NAV2: variants seen among roughly 807,000 people sequenced by gnomAD.
NAV2 encodes the protein helicase, APC down-regulated 1.
A neutral mutation model predicts 223.2 loss-of-function variants in NAV2; 54 were observed. The ratio of observed to expected loss-of-function variants is 0.24; its 90% CI spans 0.19 to 0.30. NAV2 has a LOEUF of 0.30. Ranked by LOEUF, NAV2 falls within the 10% of genes least tolerant of loss-of-function variation. NAV2 has a pLI of 1.00. For synonymous variants in NAV2, 1,279 were observed against 1,239.3 expected (o/e 1.03, Z -0.67); for missense variants, 2,806 against 3,147.5 (o/e 0.89, Z 2.60).
intron 1 of NAV2, among the ~76,000 whole-genome samples, chr11:19,768,640 A>G (rs1461908527): frequency 6.6e-6 from 1 of 152,086 alleles, no homozygotes; most frequent in African/African-American, 2.4e-5. Flanking sequence ...TGGAGGAGGG[A>G]TGGCAGGGAC....
chr11:19,967,864 A>G (rs2048900842), intron 10 of NAV2, among the ~76,000 whole-genome samples: 1 of 152,170 alleles, frequency 6.6e-6, no homozygotes, highest in African/African-American at 2.4e-5. Flanking sequence ...CAGACTGGGT[A>G]TTGTATTCTG....
intron 1 of NAV2, among the ~76,000 whole-genome samples, chr11:19,825,460 ACACTGG>A (rs1474533366): frequency 6.6e-6 from 1 of 152,146 alleles, no homozygotes; most frequent in Non-Finnish European, 1.5e-5. Flanking sequence ...ATTAGTCTCC[ACACTGG>A]CATTTCCTTC....
At chr11:19,421,764 C>CT (rs373669949) in intron 1 of NAV2, among the ~76,000 whole-genome samples, 3,263 of 84,452 alleles carry the variant, frequency 0.039, 497 homozygotes, top group African/African-American at 0.14. Context: ...AAGAGAGAGG[C>CT]TTTTTTTTTT....
intron 1 of NAV2, among the ~76,000 whole-genome samples, chr11:19,656,007 C>G (rs1457285537): frequency 2.0e-5 from 3 of 152,140 alleles, no homozygotes; most frequent in Admixed American, 1.3e-4. Flanking sequence ...CCTTGGTTTT[C>G]AAAGAGACAA....
At chr11:19,898,500 C>A (rs992082365) in intron 6 of NAV2, among the ~76,000 whole-genome samples, 20 of 152,186 alleles carry the variant, frequency 1.3e-4, no homozygotes, top group African/African-American at 4.8e-4. Context: ...CATGGACAGC[C>A]TTTCTCGTTT....
intron 1 of NAV2, among the ~76,000 whole-genome samples, chr11:19,792,749 A>C (rs1182932036): frequency 6.6e-6 from 1 of 152,148 alleles, no homozygotes; most frequent in African/African-American, 2.4e-5. Context: ...TTCTGGGTTT[A>C]CTGAAGCATC....
intron 1 of NAV2, among the ~76,000 whole-genome samples, chr11:19,483,629 T>G (rs2042347882): frequency 6.6e-6 from 1 of 152,160 alleles, no homozygotes; most frequent in Admixed American, 6.5e-5. Context: ...CATACTAGTT[T>G]TGCTGTCCCA....
chr11:19,881,887 G>A (rs536173553), intron 5 of NAV2, among the ~76,000 whole-genome samples: 1 of 152,116 alleles, frequency 6.6e-6, no homozygotes, highest in South Asian at 2.1e-4. Context: ...CATAAACAAG[G>A]TTATTATAGC....
At chr11:19,598,564 T>TA (rs1374624158) in intron 1 of NAV2, among the ~76,000 whole-genome samples, 5 of 152,188 alleles carry the variant, frequency 3.3e-5, no homozygotes, top group Non-Finnish European at 5.9e-5. Flanking sequence ...CTAGGTGATG[T>TA]ATATGTATTT....
At chr11:19,816,527 C>T (rs1480580440) in intron 1 of NAV2, among the ~76,000 whole-genome samples, 3 of 152,190 alleles carry the variant, frequency 2.0e-5, no homozygotes, top group African/African-American at 7.2e-5. Context: ...ATTTTTTCCT[C>T]ATTCAATTCT....
At chr11:19,875,529 A>C (rs1184868104) in intron 4 of NAV2, among the ~76,000 whole-genome samples, 1 of 152,216 alleles carries the variant, frequency 6.6e-6, no homozygotes, top group Non-Finnish European at 1.5e-5. Flanking sequence ...AACCATCACA[A>C]GTTGGGGACC....
intron 1 of NAV2, among the ~76,000 whole-genome samples, chr11:19,651,279 G>C (rs767160096): frequency 7.9e-5 from 12 of 152,174 alleles, no homozygotes; most frequent in Non-Finnish European, 1.5e-4. Flanking sequence ...TTTTCTCAAG[G>C]GTTCTATAAG....
intron 1 of NAV2, among the ~76,000 whole-genome samples, chr11:19,466,966 C>A (rs1331420300): frequency 7.1e-6 from 1 of 140,158 alleles, no homozygotes; most frequent in Non-Finnish European, 1.6e-5. Context: ...CTATCTTGTT[C>A]TCTCTTCTCT....
At chr11:19,648,760 A>T (rs1037380812) in intron 1 of NAV2, among the ~76,000 whole-genome samples, 6 of 152,244 alleles carry the variant, frequency 3.9e-5, no homozygotes, top group Non-Finnish European at 7.3e-5. Flanking sequence ...TTTGAAAATT[A>T]TACCCTGGCA....
chr11:19,708,879 C>G (rs73422565), upstream of NAV2, among the ~76,000 whole-genome samples: 4,649 of 146,106 alleles, frequency 0.032, 237 homozygotes, highest in African/African-American at 0.11. Context: ...ACTTGGCATA[C>G]TTGTCCATAA....
chr11:19,553,592 G>C (rs577968932), intron 1 of NAV2, among the ~76,000 whole-genome samples: 1 of 152,354 alleles, frequency 6.6e-6, no homozygotes, highest in South Asian at 2.1e-4. Context: ...CAATGCCTAG[G>C]AAATGGGAGC....
At position 19,915,922 on chromosome 11, in the gene NAV2, A is replaced by G. The variant is rs548566839; in HGVS notation, c.932-17254A>G. On this transcript the variant is annotated intron_variant, in intron 6 of 37. Coordinates refer to ENST00000349880, the MANE Select transcript of NAV2 (RefSeq NM_145117.5). Reference sequence around the variant, plus strand: ...TGAGTGAGCTATAGAGTAATTATTTACAGCTCAGACTCTGGAGCCACACAG... The same window carrying G: ...TGAGTGAGCTATAGAGTAATTATTTGCAGCTCAGACTCTGGAGCCACACAG... 3.3e-5 allele frequency among the ~76,000 whole-genome samples: 5 copies of G among 152,336 alleles called. No individual in the cohort carries two copies. In the South Asian group the frequency reaches 1.0e-3, roughly 32 times the overall value.
At chr11:19,520,233 C>A (rs74909674) in intron 1 of NAV2, among the ~76,000 whole-genome samples, 5,266 of 152,336 alleles carry the variant, frequency 0.035, 131 homozygotes, top group Non-Finnish European at 0.052. Context: ...TAAACAAACA[C>A]TCATGGGCAT....
chr11:19,405,854 G>A (rs1344330155), intron 1 of NAV2, among the ~76,000 whole-genome samples: 2 of 152,138 alleles, frequency 1.3e-5, no homozygotes, highest in Non-Finnish European at 2.9e-5. Flanking sequence ...AAAGCACTGG[G>A]TCTCCAAAAA....
Sources: allele counts gnomAD v4.1 joint callset (sites outside exome capture counted in the v4.1 genomes callset), GRCh38; gene constraint gnomAD v4.1.1; transcripts MANE v1.5; gene names NCBI Gene and HGNC (gene_info 2026-07-23, HGNC 2026-07-21).